Variants in PCDHGB1 observed in about 807,000 individuals in gnomAD.
The protein encoded by PCDHGB1 is protocadherin gamma-B1.
A neutral mutation model predicts 56.6 loss-of-function variants in PCDHGB1; 34 were observed. That is an observed-to-expected ratio of 0.60 (90% CI 0.46 to 0.80). The LOEUF (loss-of-function observed/expected upper bound fraction) is 0.80. Among genes scored for constraint, PCDHGB1 ranks in the 30% least tolerant of loss-of-function variants. The pLI, the probability that PCDHGB1 is intolerant of heterozygous loss-of-function variation, is 0.00. For missense variants in PCDHGB1, 1,278 were observed against 1,204.6 expected, an observed-to-expected ratio of 1.06 and a Z score of -0.90; for synonymous variants, 561 against 505.9, an observed-to-expected ratio of 1.11 and a Z score of -1.46.
intron 1 of PCDHGB1, among the ~76,000 whole-genome samples, chr5:141,425,402 A>C (rs1288785443): frequency 6.6e-6 from 1 of 152,222 alleles, no homozygotes; most frequent in Non-Finnish European, 1.5e-5. Flanking sequence ...AAGTTCTGTT[A>C]AGGTATAACA....
At position 141,485,651 on chromosome 5, in the gene PCDHGB1, G is replaced by A. The variant is rs752827268; in HGVS notation, c.2410-9156G>A. The A allele has an allele frequency of 6.8e-6, 11 of 1,612,228 alleles. No individual in the cohort carries two copies. The Admixed American group carries it at 1.3e-4, about 20-fold the overall frequency. ...TTTCCCGTTGGAAAAGGCTCAGGATGCAGATGTGGGGAGCAATTCGATTAG... is the reference window on the plus strand; with the variant it reads ...TTTCCCGTTGGAAAAGGCTCAGGATACAGATGTGGGGAGCAATTCGATTAG... On this transcript the variant is annotated intron_variant, in intron 1 of 3. Transcript: ENST00000523390. This position sits in a 1 kb window ranked among gnomAD's most constrained non-coding sequence, Gnocchi z 5.7.
Position 141,476,231 on chromosome 5 carries a change from G to A in PCDHGB1, c.2410-18576G>A. The A allele has an allele frequency of 6.2e-7, 1 of 1,614,084 alleles. No individual in the cohort carries two copies. Among genetic ancestry groups the A allele is most frequent in the Non-Finnish European group, 8.5e-7 (1 of 1,180,034 alleles). On this transcript the variant is annotated intron_variant, in intron 1 of 3. Coordinates refer to ENST00000523390, the MANE Select transcript of PCDHGB1 (RefSeq NM_018922.3). The surrounding 1 kb of genome is among the most constrained non-coding windows in gnomAD (Gnocchi z 7.6). ...CACGGTCATTCACTATGAGATCCCG[G>A]AGGAAAGAGAGAAGGGTTTCGCTGT...
Position 141,490,916 on chromosome 5 carries a change from A to C in PCDHGB1, c.2410-3891A>C. 1 of 1,613,724 alleles carries C rather than the reference A, an allele frequency of 6.2e-7. No homozygotes were observed. Among genetic ancestry groups the C allele is most frequent in the Non-Finnish European group, 8.5e-7 (1 of 1,179,736 alleles). ...CATGTGTTTGTCCTAGACGAGAATG[A>C]TAATGCCCCAGCTGTGCTGCACCCA... is the stretch of plus-strand genomic sequence containing the variant. On this transcript the variant is annotated intron_variant, in intron 1 of 3. Transcript: ENST00000523390. This position sits in a 1 kb window ranked among gnomAD's most constrained non-coding sequence, Gnocchi z 5.4.
chr5:141,469,918 G>T (rs2099215604), intron 1 of PCDHGB1, among the ~76,000 whole-genome samples: 2 of 152,148 alleles, frequency 1.3e-5, no homozygotes, highest in African/African-American at 4.8e-5. Context: ...ACCACCCGAG[G>T]TCAGGAGTTT....
rs1000330093 is a variant in PCDHGB1 at position 141,511,812 on chromosome 5, C to T, written c.*639C>T. 2.5e-5 allele frequency: 4 copies of T among 157,260 alleles called. No individual in the cohort carries two copies. Among genetic ancestry groups the T allele is most frequent in the African/African-American group, 9.6e-5 (4 of 41,492 alleles). The allele number at this position is 157,260 out of a possible 1,614,324, so 9.7% of individuals were successfully genotyped here. The stretch of plus-strand genomic sequence containing the variant: ...TAGGGAGGGCATTTTGCTACCAAGC[C>T]TCTTCCCAACGCCCTGGGGACCAGT... On this transcript the variant is annotated 3_prime_UTR_variant, in exon 4 of 4. Transcript: ENST00000523390.
intron 1 of PCDHGB1, 157 bp from the exon 2 acceptor site, chr5:141,494,650 T>G (rs1366776271): frequency 1.0e-6 from 1 of 960,138 alleles, no homozygotes; most frequent in East Asian, 1.1e-4. Context: ...CTGAGGTGTA[T>G]TTTGTCTTTG....
intron 2 of PCDHGB1, among the ~76,000 whole-genome samples, chr5:141,504,506 A>T (rs575756846): frequency 1.3e-5 from 2 of 152,096 alleles, no homozygotes; most frequent in African/African-American, 4.8e-5. Context: ...GTCTGAGTGG[A>T]TCTCCTCTGA....
intron 1 of PCDHGB1, chr5:141,376,742 A>C (rs1191231453): frequency 2.1e-6 from 1 of 487,580 alleles, no homozygotes; most frequent in Non-Finnish European, 3.5e-6. Flanking sequence ...TGCGGACTGC[A>C]GTGGCGCAAT....
intron 1 of PCDHGB1, chr5:141,399,412 T>A: frequency 6.2e-7 from 1 of 1,613,948 alleles, no homozygotes; most frequent in Non-Finnish European, 8.5e-7. Flanking sequence ...GCCGCCCCTC[T>A]CCTCCAGCAT....
At chr5:141,406,431 T>G (rs1316370664) in intron 1 of PCDHGB1, among the ~76,000 whole-genome samples, 3 of 152,352 alleles carry the variant, frequency 2.0e-5, no homozygotes, top group Non-Finnish European at 4.4e-5. Context: ...ATTTATTGCT[T>G]CTATTCTTCC....
Position 141,477,304 on chromosome 5 carries a change from T to C in PCDHGB1, c.2410-17503T>C. The C allele has an allele frequency of 6.2e-7, 1 of 1,614,160 alleles. No individual in the cohort carries two copies. Among genetic ancestry groups the C allele is most frequent in the Non-Finnish European group, 8.5e-7 (1 of 1,180,030 alleles). ...CCTGCGAAGTTCCACCGGGTCTCCCTTTCAGCCTTACTTCTTCCCTCAAGA... is the reference window on the plus strand; with the variant it reads ...CCTGCGAAGTTCCACCGGGTCTCCCCTTCAGCCTTACTTCTTCCCTCAAGA... On this transcript the variant is annotated intron_variant, in intron 1 of 3. Transcript: ENST00000523390. This position sits in a 1 kb window ranked among gnomAD's most constrained non-coding sequence, Gnocchi z 4.9.
chr5:141,376,474 A>G, intron 1 of PCDHGB1: 5 of 1,614,136 alleles, frequency 3.1e-6, no homozygotes, highest in Non-Finnish European at 3.4e-6. Context: ...CTCAGGATTT[A>G]CTTGAAACGA....
At chr5:141,394,239 G>A (rs530540432) in intron 1 of PCDHGB1, 1 of 1,613,868 alleles carries the variant, frequency 6.2e-7, no homozygotes, top group South Asian at 1.1e-5. Flanking sequence ...TTCCTTGACT[G>A]CACACGACCC....
intron 1 of PCDHGB1, chr5:141,409,337 A>T: frequency 6.2e-7 from 1 of 1,614,012 alleles, no homozygotes; most frequent in Non-Finnish European, 8.5e-7. Flanking sequence ...TTTCGGAGGA[A>T]ATGGAGAAGT....
At chr5:141,497,245 G>T (rs779763574) in intron 2 of PCDHGB1, among the ~76,000 whole-genome samples, 2 of 152,138 alleles carry the variant, frequency 1.3e-5, no homozygotes, top group Non-Finnish European at 2.9e-5. Flanking sequence ...TCTAGGAGGA[G>T]GTGACATTGA....
In PCDHGB1 at chr5:141,509,418, A is replaced by G. The variant is rs767758113; in HGVS notation, c.2558-1529A>G. Among the ~76,000 whole-genome samples the G allele has an allele frequency of 2.6e-5, 4 of 152,188 alleles. No individual in the cohort carries two copies. The South Asian group carries it at 6.2e-4, about 24-fold the overall frequency. ...TCAGGGCCTCCAGCAGCGAGCCCCA[A>G]TGAGTCAAACTCTTGTTTCCTCCTC... On this transcript the variant is annotated intron_variant, in intron 3 of 3. Transcript: ENST00000523390.
chr5:141,394,048 G>A (rs1285768639), intron 1 of PCDHGB1: 5 of 1,613,504 alleles, frequency 3.1e-6, no homozygotes, highest in South Asian at 1.1e-5. Context: ...TATTTGGACC[G>A]AGAAAATGTC....
rs141959335 is a variant in PCDHGB1, at chr5:141,491,261, T to C, written c.2410-3546T>C. On this transcript the variant is annotated intron_variant, in intron 1 of 3. Transcript: ENST00000523390. This position sits in a 1 kb window ranked among gnomAD's most constrained non-coding sequence, Gnocchi z 6.9. Reference sequence around the variant, plus strand: ...CTGGAGGATGAGGACCCTGAGGAAATGCCCAAATCCAGTGACTTCCTCATA... The same window carrying C: ...CTGGAGGATGAGGACCCTGAGGAAACGCCCAAATCCAGTGACTTCCTCATA... 104 of 1,614,044 alleles carry C rather than the reference T, an allele frequency of 6.4e-5. No individual in the cohort carries two copies. Among genetic ancestry groups the C allele is most frequent in the Non-Finnish European group, 8.1e-5 (95 of 1,180,028 alleles).
chr5:141,377,799 T>C (rs1774359449), intron 1 of PCDHGB1: 1 of 152,206 alleles, frequency 6.6e-6, no homozygotes, highest in African/African-American at 2.4e-5. Flanking sequence ...TTCCTGTAAC[T>C]ATCTGTTATT....
Sources: gnomAD v4.1 joint callset for allele counts (sites outside exome capture counted in the v4.1 genomes callset) on GRCh38, gnomAD v4.1.1 for gene constraint, Gnocchi (gnomAD v3.1) non-coding constraint, MANE v1.5 for transcripts, NCBI Gene and HGNC (gene_info 2026-07-23, HGNC 2026-07-21) for gene names.